TSHZ2: variants seen among roughly 807,000 people sequenced by gnomAD.
TSHZ2 encodes the protein teashirt homolog 2.
In TSHZ2, 21 loss-of-function variants were observed where a neutral mutation model predicts 74.4. That is an observed-to-expected ratio of 0.28 (90% confidence interval 0.20 to 0.41). TSHZ2 has a LOEUF of 0.41. Ranked by LOEUF, TSHZ2 falls within the 10% of genes least tolerant of loss-of-function variation. The pLI is 1.00. For synonymous variants in TSHZ2, 540 were observed against 515.3 expected (o/e 1.05, Z -0.65); for missense variants, 1,244 against 1,293.5 (o/e 0.96, Z 0.59).
chr20:53,483,647 A>AGTT (rs1312636268), intron 2 of TSHZ2, among the ~76,000 whole-genome samples: 2 of 152,248 alleles, frequency 1.3e-5, no homozygotes, highest in Non-Finnish European at 2.9e-5. Flanking sequence ...GGAAGAAAAG[A>AGTT]GTTATCAAAT....
intron 1 of TSHZ2, among the ~76,000 whole-genome samples, chr20:53,232,436 A>C (rs1367664754): frequency 6.6e-6 from 1 of 152,238 alleles, no homozygotes; most frequent in East Asian, 1.9e-4. Context: ...AGGGAGACAG[A>C]ATAATAATTG....
chr20:53,129,803 C>CT (rs952798938), intron 1 of TSHZ2, among the ~76,000 whole-genome samples: 2 of 151,396 alleles, frequency 1.3e-5, no homozygotes, highest in African/African-American at 4.8e-5. Context: ...ATGATCCACC[C>CT]TTTTCTGTGG....
At chr20:53,355,147 T>G (rs1439860314) in intron 2 of TSHZ2, among the ~76,000 whole-genome samples, 2 of 152,150 alleles carry the variant, frequency 1.3e-5, no homozygotes, top group African/African-American at 4.8e-5. Context: ...AGAGCTTAAA[T>G]TGTAATTAGA....
intron 2 of TSHZ2, among the ~76,000 whole-genome samples, chr20:53,340,282 A>C (rs1980141791): frequency 7.2e-6 from 1 of 138,510 alleles, no homozygotes; most frequent in Non-Finnish European, 1.5e-5. Flanking sequence ...TCCCAAGTTC[A>C]CGTCATTCTC....
intron 2 of TSHZ2, among the ~76,000 whole-genome samples, chr20:53,270,628 A>C (rs1220105550): frequency 3.3e-5 from 5 of 151,906 alleles, no homozygotes; most frequent in African/African-American, 9.7e-5. Flanking sequence ...AGATGCAGAC[A>C]CACCACTTAT....
chr20:53,010,974 A>G (rs890412947), intron 1 of TSHZ2, among the ~76,000 whole-genome samples: 12 of 152,236 alleles, frequency 7.9e-5, no homozygotes, highest in Non-Finnish European at 1.8e-4. Context: ...TAAAACAGTC[A>G]TATTTATAAC....
At position 53,475,252 on chromosome 20, in the gene TSHZ2, T is replaced by G. The variant is rs1985959126; in HGVS notation, c.*9-11892T>G. On this transcript the variant is annotated intron_variant, in intron 2 of 2. Transcript: ENST00000371497. ...ACCTATTCCAAAATTGACCACATAC[T>G]TGGAAGTAAAGCTCTCCTCAGCAAA... is the stretch of plus-strand genomic sequence containing the variant. Among the ~76,000 whole-genome samples, 2 of 126,630 alleles carry G rather than the reference T, an allele frequency of 1.6e-5. 1 individual carries two copies. The highest frequency in any genetic ancestry group is 3.3e-5 in the Non-Finnish European group (2 of 60,734). The allele number at this position is 126,630 out of a possible 152,430, so 83.1% of individuals were successfully genotyped here. A position where few individuals can be genotyped will look rare whatever the true frequency, so the allele number is the denominator to read the frequency against.
At chr20:53,270,325 C>T (rs540621518) in intron 2 of TSHZ2, among the ~76,000 whole-genome samples, 9 of 152,218 alleles carry the variant, frequency 5.9e-5, no homozygotes, top group African/African-American at 2.2e-4. Flanking sequence ...TCTTGCCTCC[C>T]GAGAGGCCAA....
At chr20:53,485,699 G>T (rs1986272918) in intron 2 of TSHZ2, among the ~76,000 whole-genome samples, 1 of 143,888 alleles carries the variant, frequency 6.9e-6, no homozygotes. Flanking sequence ...ACAGAGCAAG[G>T]CTCCAGCACA....
intron 1 of TSHZ2, among the ~76,000 whole-genome samples, chr20:53,023,951 C>T (rs1045145871): frequency 6.6e-6 from 1 of 152,120 alleles, no homozygotes; most frequent in Admixed American, 6.5e-5. Flanking sequence ...GTCTGTCAGC[C>T]TTTCCATTGT....
intron 1 of TSHZ2, among the ~76,000 whole-genome samples, chr20:53,153,097 A>G (rs1391513417): frequency 6.6e-6 from 1 of 152,234 alleles, no homozygotes; most frequent in Non-Finnish European, 1.5e-5. Flanking sequence ...GAAATCACCC[A>G]TAACACAATC....
At chr20:53,020,315 T>A (rs531566518) in intron 1 of TSHZ2, among the ~76,000 whole-genome samples, 24 of 152,324 alleles carry the variant, frequency 1.6e-4, no homozygotes, top group African/African-American at 5.8e-4. Flanking sequence ...CTTTCTCTAA[T>A]CTCCTTTTTC....
intron 2 of TSHZ2, among the ~76,000 whole-genome samples, chr20:53,294,120 A>G (rs1450516926): frequency 6.6e-6 from 1 of 152,066 alleles, no homozygotes; most frequent in Non-Finnish European, 1.5e-5. Context: ...GCACACAGGC[A>G]GCTGTCATGA....
At chr20:52,997,259 C>CGGG (rs141577108) in intron 1 of TSHZ2, among the ~76,000 whole-genome samples, 1,842 of 149,004 alleles carry the variant, frequency 0.012, 11 homozygotes, top group Non-Finnish European at 0.02. Flanking sequence ...CATCTTGCCC[C>CGGG]GGGGGGGGGT....
chr20:53,396,439 G>A (rs1189390233), intron 2 of TSHZ2, among the ~76,000 whole-genome samples: 1 of 152,080 alleles, frequency 6.6e-6, no homozygotes, highest in Non-Finnish European at 1.5e-5. Flanking sequence ...CTTGTCCAAG[G>A]TCACACCATC....
intron 2 of TSHZ2, among the ~76,000 whole-genome samples, chr20:53,457,751 G>A (rs957127034): frequency 6.6e-6 from 1 of 151,610 alleles, no homozygotes; most frequent in Non-Finnish European, 1.5e-5. Context: ...CTAATTTATT[G>A]AGAGTTTTTA....
chr20:53,338,075 A>G (rs1980028380), intron 2 of TSHZ2, among the ~76,000 whole-genome samples: 1 of 152,196 alleles, frequency 6.6e-6, no homozygotes, highest in Non-Finnish European at 1.5e-5. Flanking sequence ...GGGACACACC[A>G]TAGTGTGTCC....
chr20:53,095,365 G>C (rs763768969), intron 1 of TSHZ2, among the ~76,000 whole-genome samples: 23 of 152,156 alleles, frequency 1.5e-4, no homozygotes, highest in Non-Finnish European at 2.8e-4. Context: ...GGGTGTGCTT[G>C]TGCCAGGCTC....
intron 2 of TSHZ2, among the ~76,000 whole-genome samples, chr20:53,292,008 AG>A (rs1568854966): frequency 4.0e-5 from 6 of 151,772 alleles, no homozygotes; most frequent in African/African-American, 1.5e-4. Context: ...AAAAAAAAAA[AG>A]AACAGATAGG....
Sources: allele counts gnomAD v4.1 joint callset (sites outside exome capture counted in the v4.1 genomes callset), GRCh38; gene constraint gnomAD v4.1.1; transcripts MANE v1.5; gene names NCBI Gene and HGNC (gene_info 2026-07-23, HGNC 2026-07-21).